GATA6: variants seen among roughly 807,000 people sequenced by gnomAD.
GATA6 encodes the protein GATA binding protein 6, also known as transcription factor GATA-6.
A neutral mutation model predicts 48.1 loss-of-function variants in GATA6; 11 were observed. The observed-to-expected ratio is 0.23, with a 90% CI of 0.14 to 0.38. The LOEUF (loss-of-function observed/expected upper bound fraction) is 0.38. GATA6 is among the 10% of genes least tolerant of loss of function. The pLI is 1.00. For synonymous variants in GATA6, 419 were observed against 396.1 expected (o/e 1.06, Z -0.69); for missense variants, 795 against 850.3 (o/e 0.93, Z 0.81).
In GATA6 at chr18:22,185,387, G is replaced by A. The variant is rs1355777599; in HGVS notation, c.1620+2344G>A. ...TTCAGCTGCAAGCTTCCATCCCTGC[G>A]GTAGTCTAGGCAGCCTCCACGGGGA... On this transcript the variant is annotated intron_variant, in intron 6 of 6. Transcript: ENST00000269216. This position sits in a 1 kb window ranked among gnomAD's most constrained non-coding sequence, Gnocchi z 4.3. 6.6e-6 allele frequency among the ~76,000 whole-genome samples: 1 copy of A among 152,242 alleles called. No individual in the cohort carries two copies. Among genetic ancestry groups the A allele is most frequent in the African/African-American group, 2.4e-5 (1 of 41,466 alleles).
chr18:22,191,927 T>A (rs2033332043), intron 6 of GATA6, among the ~76,000 whole-genome samples: 1 of 152,274 alleles, frequency 6.6e-6, no homozygotes, highest in Non-Finnish European at 1.5e-5. Flanking sequence ...TCCGACTTGA[T>A]GGTGTGCTGC....
intron 6 of GATA6, among the ~76,000 whole-genome samples, chr18:22,198,248 T>G (rs183322285): frequency 1.6e-4 from 25 of 152,236 alleles, no homozygotes; most frequent in African/African-American, 5.8e-4. Context: ...CTTTTGTATT[T>G]TTTGTAGAGA....
Position 22,185,096 on chromosome 18 carries a change from T to G in GATA6, c.1620+2053T>G, listed in dbSNP as rs971002424. Among the ~76,000 whole-genome samples the G allele has an allele frequency of 6.6e-6, 1 of 152,208 alleles. No homozygotes were observed. Among genetic ancestry groups the G allele is most frequent in the Non-Finnish European group, 1.5e-5 (1 of 68,038 alleles). On this transcript the variant is annotated intron_variant, in intron 6 of 6. Coordinates refer to ENST00000269216, the MANE Select transcript of GATA6 (RefSeq NM_005257.6). This position sits in a 1 kb window ranked among gnomAD's most constrained non-coding sequence, Gnocchi z 4.3. ...GACGTAAAATTTCAAAATTTGCTAT[T>G]AGCAAGTCCTATCGGTTGCTGTCCA...
At chr18:22,194,802 A>G (rs878988158) in intron 6 of GATA6, among the ~76,000 whole-genome samples, 3 of 151,860 alleles carry the variant, frequency 2.0e-5, no homozygotes, top group Admixed American at 1.3e-4. Flanking sequence ...AAGATGAACA[A>G]TAACAGGACA....
At position 22,171,335 on chromosome 18, in the gene GATA6, A is replaced by T; in HGVS notation, c.191A>T (p.Gln64Leu). 2 of 1,587,794 alleles carry T rather than the reference A, an allele frequency of 1.3e-6. No individual in the cohort carries two copies. Among genetic ancestry groups the T allele is most frequent in the Non-Finnish European group, 1.7e-6 (2 of 1,174,186 alleles). The change falls in exon 2 of 7, where the codon CAG (glutamine) becomes CTG (leucine). Residue 64 changes from glutamine (Q) to leucine (L), a missense_variant. By Grantham distance (113) the Gln-to-Leu change is moderately radical. Coordinates refer to ENST00000269216, the MANE Select transcript of GATA6 (RefSeq NM_005257.6). The surrounding 1 kb of genome is among the most constrained non-coding windows in gnomAD (Gnocchi z 7.1). ...PGGASNCGTP[Q>L]LDTEAAAGPP... Reference sequence around the variant, plus strand: ...GGCGCCAGCAACTGCGGGACGCCTCAGCTCGACACGGAGGCGGCGGCCGGA... The same window carrying T: ...GGCGCCAGCAACTGCGGGACGCCTCTGCTCGACACGGAGGCGGCGGCCGGA...
rs897655941 is a variant in GATA6 at position 22,171,682 on chromosome 18, G to A, written c.538G>A (p.Ala180Thr). 8 of 1,498,480 alleles carry A rather than the reference G, an allele frequency of 5.3e-6. No individual in the cohort carries two copies. Among genetic ancestry groups the A allele is most frequent in the African/African-American group, 2.9e-5 (2 of 68,404 alleles). The allele number at this position is 1,498,480 out of a possible 1,614,324, so 92.8% of individuals were successfully genotyped here. The stretch of plus-strand genomic sequence containing the variant: ...CTCTGCGGCCGCGGCGGCAGCAGCC[G>A]CGGCGGCGGCCAGCTCCCCGGTCTA... ...VHSAAAAAAA[A>T]AAASSPVYVP... is the part of the protein sequence containing the mutation. The change falls in exon 2 of 7, where the codon GCG becomes ACG. Residue 180 changes from alanine to threonine, a missense_variant. By Grantham distance (58) the Ala-to-Thr change is moderately conservative. Around this residue, in one of 5 missense-constraint regions of GATA6, gnomAD observed 591 missense variants for 570.0 expected, o/e 1.04. Transcript: ENST00000269216. This position sits in a 1 kb window ranked among gnomAD's most constrained non-coding sequence, Gnocchi z 7.1.
intron 6 of GATA6, among the ~76,000 whole-genome samples, chr18:22,194,335 G>T (rs2033364141): frequency 6.6e-6 from 1 of 152,180 alleles, no homozygotes. Context: ...TCTGTGGGAG[G>T]GTGGAGGGCA....
chr18:22,189,446 G>C (rs2143318472), intron 6 of GATA6, among the ~76,000 whole-genome samples: 1 of 152,226 alleles, frequency 6.6e-6, no homozygotes, highest in Admixed American at 6.5e-5. Flanking sequence ...TTTATTAGCA[G>C]ATTTACACTC....
At position 22,200,206 on chromosome 18, in the gene GATA6, C is replaced by T. The variant is rs553756235; in HGVS notation, c.1621-450C>T. Among the ~76,000 whole-genome samples, 82 of 149,248 alleles carry T rather than the reference C, an allele frequency of 5.5e-4. 2 individuals carry two copies. The South Asian group carries it at 0.015, about 27-fold the overall frequency. ...GTGTGTGTGTGTGTGTGTGTGCGCGCGCACGCATGCGTGCGCTCTGCATTT... is the reference window on the plus strand; with the variant it reads ...GTGTGTGTGTGTGTGTGTGTGCGCGTGCACGCATGCGTGCGCTCTGCATTT... On this transcript the variant is annotated intron_variant, in intron 6 of 6. Coordinates refer to ENST00000269216, the MANE Select transcript of GATA6 (RefSeq NM_005257.6).
At chr18:22,197,074 C>T (rs1430029433) in intron 6 of GATA6, among the ~76,000 whole-genome samples, 1 of 133,260 alleles carries the variant, frequency 7.5e-6, no homozygotes, top group African/African-American at 2.9e-5. Flanking sequence ...ATATATTAGC[C>T]AATTCTTTTT....
chr18:22,192,746 T>G (rs2033342902), intron 6 of GATA6, among the ~76,000 whole-genome samples: 1 of 152,232 alleles, frequency 6.6e-6, no homozygotes, highest in Admixed American at 6.5e-5. Flanking sequence ...CTGATTCATT[T>G]AGAAGATAAG....
chr18:22,170,649 G>A lies in GATA6; in HGVS notation c.-37-459G>A, dbSNP rs1174510998. On this transcript the variant is annotated intron_variant, in intron 1 of 6. Transcript: ENST00000269216. The surrounding 1 kb of genome is among the most constrained non-coding windows in gnomAD (Gnocchi z 6.7). ...ACCCTCACCCCGAGGCATTTCGGGA[G>A]AGGGGCATCCGCAGAGAGGCGGGAT... Among the ~76,000 whole-genome samples, 1 of 152,242 alleles carries A rather than the reference G, an allele frequency of 6.6e-6. No homozygotes were observed. Among genetic ancestry groups the A allele is most frequent in the Non-Finnish European group, 1.5e-5 (1 of 68,044 alleles).
At position 22,171,345 on chromosome 18, in the gene GATA6, G is replaced by T. The variant is rs780979305; in HGVS notation, c.201G>T (p.Thr67=). The change falls in exon 2 of 7, where the codon ACG becomes ACT. Residue 67 remains threonine, a synonymous_variant. Transcript: ENST00000269216. This position sits in a 1 kb window ranked among gnomAD's most constrained non-coding sequence, Gnocchi z 7.1. The part of the protein sequence containing the change: ...ASNCGTPQLD[T]EAAAGPPARS... ...ACTGCGGGACGCCTCAGCTCGACACGGAGGCGGCGGCCGGACCCCCGGCCC... is the reference window on the plus strand; with the variant it reads ...ACTGCGGGACGCCTCAGCTCGACACTGAGGCGGCGGCCGGACCCCCGGCCC... The T allele has an allele frequency of 5.0e-6, 8 of 1,586,258 alleles. No individual in the cohort carries two copies. Among genetic ancestry groups the T allele is most frequent in the Non-Finnish European group, 6.8e-6 (8 of 1,173,546 alleles).
chr18:22,198,323 G>A (rs1013276734), intron 6 of GATA6, among the ~76,000 whole-genome samples: 3 of 152,000 alleles, frequency 2.0e-5, no homozygotes, highest in South Asian at 2.1e-4. Flanking sequence ...CTCCCTCCTC[G>A]GCTTCCCAAA....
chr18:22,188,285 T>C (rs1402297805), intron 6 of GATA6, among the ~76,000 whole-genome samples: 2 of 152,060 alleles, frequency 1.3e-5, no homozygotes, highest in Admixed American at 1.3e-4. Context: ...ATGGAGGTGG[T>C]AGGGGTGGGT....
At chr18:22,178,614 T>C (rs2033156314) in intron 3 of GATA6, among the ~76,000 whole-genome samples, 1 of 152,180 alleles carries the variant, frequency 6.6e-6, no homozygotes, top group Non-Finnish European at 1.5e-5. Context: ...GAGAAGCAAT[T>C]AGTTTTATGG....
intron 2 of GATA6, among the ~76,000 whole-genome samples, chr18:22,174,516 GTTATTTTTTTAA>G (rs989720174): frequency 2.0e-5 from 3 of 151,958 alleles, no homozygotes; most frequent in African/African-American, 7.3e-5. Context: ...CAGAAGATTT[GTTATTTTTTTAA>G]GTATTTTTTT....
chr18:22,200,523 C>T (rs1313313511), intron 6 of GATA6, 133 bp from the exon 7 acceptor site: 2 of 1,119,822 alleles, frequency 1.8e-6, no homozygotes, highest in East Asian at 2.3e-5. Context: ...ATTTCTCCTG[C>T]CCTGGGTCTG....
intron 3 of GATA6, among the ~76,000 whole-genome samples, chr18:22,179,784 C>A (rs2033170691): frequency 1.3e-5 from 2 of 152,212 alleles, no homozygotes; most frequent in Non-Finnish European, 2.9e-5. Flanking sequence ...CAAGCATACT[C>A]ATTTCAACTA....
Sources: allele counts gnomAD v4.1 joint callset (sites outside exome capture counted in the v4.1 genomes callset), GRCh38; gene constraint gnomAD v4.1.1; regional missense constraint gnomAD v4.1.1; non-coding constraint Gnocchi (gnomAD v3.1); transcripts MANE v1.5; gene names NCBI Gene and HGNC (gene_info 2026-07-23, HGNC 2026-07-21).